Variants in RNF128 observed in about 807,000 individuals in gnomAD.
RNF128 encodes the protein ring finger protein 128.
In RNF128, 13 loss-of-function variants were observed where a neutral mutation model predicts 26.2. The ratio of observed to expected loss-of-function variants is 0.50; its 90% confidence interval spans 0.32 to 0.79. RNF128 has a LOEUF of 0.79. Among genes scored for constraint, RNF128 ranks in the 30% least tolerant of loss-of-function variants. The pLI, the probability that RNF128 is intolerant of heterozygous loss-of-function variation, is 0.03. For missense variants in RNF128, 315 were observed against 349.7 expected, an observed-to-expected ratio of 0.90 and a Z score of 0.79; for synonymous variants, 149 against 142.5, an observed-to-expected ratio of 1.05 and a Z score of -0.32.
At chrX:106,693,922 C>A in exon 1 of RNF128, 2 of 907,838 alleles carry the variant, frequency 2.2e-6, no homozygotes, top group Non-Finnish European at 3.1e-6. Context: ...TTCTGTTCAG[C>A]AGGGACGTGA....
At chrX:106,744,276 T>C (rs1404940569) in intron 1 of RNF128, among the ~76,000 whole-genome samples, 1 of 111,715 alleles carries the variant, frequency 9.0e-6, no homozygotes, top group Non-Finnish European at 1.9e-5. Flanking sequence ...TCTTGTGCTT[T>C]AACCAAAACA....
At chrX:106,745,132 C>T (rs968308237) in intron 1 of RNF128, among the ~76,000 whole-genome samples, 2 of 111,600 alleles carry the variant, frequency 1.8e-5, no homozygotes, top group African/African-American at 6.5e-5. Flanking sequence ...ACTCCATCTA[C>T]CAGAGAATTT....
intron 4 of RNF128, among the ~76,000 whole-genome samples, chrX:106,789,127 C>G (rs1439933155): frequency 3.6e-5 from 3 of 83,480 alleles, no homozygotes; most frequent in South Asian, 5.1e-4. Context: ...ATACTATATA[C>G]TATATAGTAT....
At chrX:106,733,441 G>A (rs1237611422) in intron 1 of RNF128, among the ~76,000 whole-genome samples, 2 of 111,471 alleles carry the variant, frequency 1.8e-5, no homozygotes, top group Non-Finnish European at 3.8e-5. Flanking sequence ...GTAATTTTCT[G>A]ATTATAAAAT....
intron 4 of RNF128, among the ~76,000 whole-genome samples, chrX:106,788,297 T>C (rs1316792769): frequency 7.7e-5 from 5 of 65,306 alleles, no homozygotes; most frequent in Non-Finnish European, 1.1e-4. Context: ...TTATATATAG[T>C]ATATATACTA....
chrX:106,717,545 T>C (rs999542299), intron 1 of RNF128, among the ~76,000 whole-genome samples: 9 of 112,070 alleles, frequency 8.0e-5, no homozygotes, highest in African/African-American at 2.9e-4. Context: ...CTTGTCGCAT[T>C]CATGTTTTTA....
chrX:106,751,480 G>A (rs1342445963), intron 1 of RNF128, among the ~76,000 whole-genome samples: 1 of 110,593 alleles, frequency 9.0e-6, no homozygotes, highest in East Asian at 2.9e-4. Flanking sequence ...AATACGAAAG[G>A]CAGTCTAGAC....
chrX:106,728,591 TTC>T (rs1569437886), intron 1 of RNF128, among the ~76,000 whole-genome samples: 2 of 112,048 alleles, frequency 1.8e-5, no homozygotes, highest in Non-Finnish European at 3.8e-5. Flanking sequence ...ACTGGAGGTT[TTC>T]TGTTTTTCTT....
rs978233812 is a variant in RNF128 at position 106,707,696 on chromosome X, T to A, written c.406+13288T>A. Among the ~76,000 whole-genome samples the A allele has an allele frequency of 2.1e-4, 23 of 110,349 alleles. No homozygotes were observed. The Admixed American group carries it at 2.1e-3, about 10-fold the overall frequency. ...GTCCCCCTCCCCAACAATATTCTCC[T>A]CCCTATTAGCATGCTGTCTAAAATT... On this transcript the variant is annotated intron_variant, in intron 1 of 6. Transcript: ENST00000324342.
intron 1 of RNF128, among the ~76,000 whole-genome samples, chrX:106,700,765 G>A (rs762260070): frequency 2.7e-5 from 3 of 111,589 alleles, no homozygotes; most frequent in South Asian, 3.8e-4. Context: ...CAGAAAACAC[G>A]TAGTCAATTT....
intron 2 of RNF128, among the ~76,000 whole-genome samples, chrX:106,774,915 G>T (rs1432520627): frequency 8.9e-6 from 1 of 112,277 alleles, no homozygotes; most frequent in Non-Finnish European, 1.9e-5. Flanking sequence ...GAGCAGTGAG[G>T]ATTTTTATAT....
intron 4 of RNF128, among the ~76,000 whole-genome samples, chrX:106,788,396 T>TAA (rs1569445321): frequency 6.5e-4 from 28 of 43,298 alleles, no homozygotes; most frequent in African/African-American, 3.6e-3. Flanking sequence ...ATAATATATA[T>TAA]TATATATAAT....
chrX:106,777,926 T>C (rs1930497437), intron 2 of RNF128, among the ~76,000 whole-genome samples: 1 of 111,746 alleles, frequency 8.9e-6, no homozygotes, highest in Admixed American at 9.5e-5. Flanking sequence ...GCCGAGATCA[T>C]GCCACTGCTC....
intron 1 of RNF128, among the ~76,000 whole-genome samples, chrX:106,703,228 A>T (rs1318032253): frequency 8.9e-6 from 1 of 111,998 alleles, no homozygotes; most frequent in African/African-American, 3.2e-5. Context: ...ATCATTTCTC[A>T]TGATAAATTG....
chrX:106,694,212 T>C (rs1446308098), exon 1 of RNF128: 1 of 1,209,920 alleles, frequency 8.3e-7, no homozygotes, highest in Non-Finnish European at 1.1e-6. Flanking sequence ...TAGGCATCCC[T>C]AAGAACAATA....
chrX:106,763,306 C>T (rs1351407391), intron 1 of RNF128, among the ~76,000 whole-genome samples: 1 of 110,762 alleles, frequency 9.0e-6, no homozygotes, highest in Non-Finnish European at 1.9e-5. Context: ...AAGTAAATAG[C>T]ATCTCCATGA....
intron 1 of RNF128, among the ~76,000 whole-genome samples, chrX:106,763,994 G>A (rs754235274): frequency 3.7e-5 from 4 of 106,672 alleles, no homozygotes; most frequent in South Asian, 8.2e-4. Context: ...ATGGAGTCTC[G>A]CTCTGTCGCC....
At chrX:106,766,736 A>G (rs1475986770) in intron 1 of RNF128, among the ~76,000 whole-genome samples, 1 of 111,697 alleles carries the variant, frequency 9.0e-6, no homozygotes, top group South Asian at 3.7e-4. Flanking sequence ...CCATTTGTCA[A>G]TTTTGGCTTT....
intron 1 of RNF128, among the ~76,000 whole-genome samples, 188 bp downstream of exon 1, chrX:106,727,585 C>T (rs1266123752): frequency 9.0e-6 from 1 of 110,520 alleles, no homozygotes; most frequent in African/African-American, 3.3e-5. Flanking sequence ...AAAAAAAATC[C>T]TTCATTTGCC....
Sources: gnomAD v4.1 joint callset for allele counts (sites outside exome capture counted in the v4.1 genomes callset) on GRCh38, gnomAD v4.1.1 for gene constraint, MANE v1.5 for transcripts, NCBI Gene and HGNC (gene_info 2026-07-23, HGNC 2026-07-21) for gene names.